SNX31: variants seen among roughly 807,000 people sequenced by gnomAD.
The protein encoded by SNX31 is sorting nexin-31.
A neutral mutation model predicts 65.4 loss-of-function variants in SNX31; 58 were observed. That is an observed-to-expected ratio of 0.89 (90% CI 0.72 to 1.10). SNX31 has a LOEUF of 1.10. Among genes scored for constraint, SNX31 ranks in the 50% least tolerant of loss-of-function variants. The probability of loss-of-function intolerance (pLI) is 0.00; values close to 1 mark genes in which losing one functional copy is unlikely to be tolerated. For synonymous variants in SNX31, 181 were observed against 190.1 expected (o/e 0.95, Z 0.39); for missense variants, 523 against 529.7 (o/e 0.99, Z 0.12).
rs111278317 is a variant in SNX31 at position 100,631,499 on chromosome 8, G to T, written c.257-1108C>A. 3.4e-5 allele frequency among the ~76,000 whole-genome samples: 5 copies of T among 148,246 alleles called. No homozygotes were observed. In the Admixed American group the frequency reaches 3.4e-4, roughly 10 times the overall value. On this transcript the variant is annotated intron_variant, in intron 3 of 13. Transcript: ENST00000311812. Reference sequence around the variant, plus strand: ...GTCACCCAGGCTGGGGTGCAATGGCGTGATTTCACCTCACTGCAACCTCCA... The same window carrying T: ...GTCACCCAGGCTGGGGTGCAATGGCTTGATTTCACCTCACTGCAACCTCCA...
At chr8:100,645,504 T>G (rs1819559017) in intron 2 of SNX31, among the ~76,000 whole-genome samples, 1 of 151,168 alleles carries the variant, frequency 6.6e-6, no homozygotes, top group African/African-American at 2.4e-5. Flanking sequence ...TGGGGCATAC[T>G]TATACTAAAA....
upstream of SNX31, among the ~76,000 whole-genome samples, chr8:100,650,725 G>A (rs145007014): frequency 3.9e-4 from 59 of 152,276 alleles, no homozygotes; most frequent in African/African-American, 1.3e-3. Flanking sequence ...ATTGAGGCTA[G>A]GGCCATTAAG....
chr8:100,590,767 G>A (rs1264133439), intron 10 of SNX31, among the ~76,000 whole-genome samples: 1 of 151,888 alleles, frequency 6.6e-6, no homozygotes, highest in Non-Finnish European at 1.5e-5. Flanking sequence ...GGACAACAGA[G>A]TAAGACTCCA....
rs1220128267 is a variant in SNX31, at chr8:100,608,547, G to C, written c.628C>G (p.Leu210Val). The C allele has an allele frequency of 6.2e-7, 1 of 1,613,858 alleles. No individual in the cohort carries two copies. The highest frequency in any genetic ancestry group is 8.5e-7 in the Non-Finnish European group (1 of 1,179,924). ...GLRKWYMAPS[L>V]DSVLMDCRVA... is the part of the protein sequence containing the mutation. Reference sequence around the variant, plus strand: ...CTGCAGTCCATCAGCACGGAGTCGAGGGATGGAGCCATATACCTGCAAAAT... The same window carrying C: ...CTGCAGTCCATCAGCACGGAGTCGACGGATGGAGCCATATACCTGCAAAAT... The change falls in exon 8 of 14, where the codon CTC becomes GTC. Residue 210 changes from leucine (L) to valine (V), a missense_variant. Physicochemically the swap from Leu to Val is conservative, Grantham distance 32. Transcript: ENST00000311812.
chr8:100,651,929 G>A (rs1453226185), upstream of SNX31, among the ~76,000 whole-genome samples: 1 of 152,172 alleles, frequency 6.6e-6, no homozygotes, highest in Admixed American at 6.5e-5. Context: ...TTTCAGGGGT[G>A]CCTGGGGAAA....
chr8:100,608,440 A>C (rs1479652286), intron 8 of SNX31, 54 bp downstream of exon 8: 4 of 1,571,492 alleles, frequency 2.5e-6, no homozygotes. Flanking sequence ...TAGTGGCTCC[A>C]AGCCAACATG....
In SNX31 at chr8:100,649,656, G is replaced by A. The variant is rs1025856163; in HGVS notation, c.-142C>T. ...ACCCCGGCGCCCGCTCTCGCCGGCCGGGGACATCTACAGGTGGGGCCGGGG... is the reference window on the plus strand; with the variant it reads ...ACCCCGGCGCCCGCTCTCGCCGGCCAGGGACATCTACAGGTGGGGCCGGGG... On this transcript the variant is annotated 5_prime_UTR_variant, in exon 1 of 14. Coordinates refer to ENST00000311812, the MANE Select transcript of SNX31 (RefSeq NM_152628.4). The A allele has an allele frequency of 5.4e-6, 4 of 746,784 alleles. No homozygotes were observed. In the African/African-American group the frequency reaches 5.7e-5, roughly 11 times the overall value. The allele number at this position is 746,784 out of a possible 1,614,324, so 46.3% of individuals were successfully genotyped here. A position where few individuals can be genotyped will look rare whatever the true frequency, so the allele number is the denominator to read the frequency against.
chr8:100,608,362 T>C, intron 8 of SNX31, 132 bp downstream of exon 8: 1 of 775,652 alleles, frequency 1.3e-6, no homozygotes. Flanking sequence ...TCTGTTCTAC[T>C]TTCTGTCTCT....
At chr8:100,611,826 G>A (rs1816737613) in intron 7 of SNX31, among the ~76,000 whole-genome samples, 174 bp downstream of exon 7, 1 of 152,178 alleles carries the variant, frequency 6.6e-6, no homozygotes, top group South Asian at 2.1e-4. Context: ...AAGGTACTGG[G>A]ATTATAGGCA....
At chr8:100,658,879 C>A (rs148624015) in intron 1 of SNX31, among the ~76,000 whole-genome samples, 140 of 152,268 alleles carry the variant, frequency 9.2e-4, no homozygotes, top group Non-Finnish European at 1.4e-3. Flanking sequence ...CCTGGTGGGA[C>A]CTACTCTGTG....
intron 8 of SNX31, among the ~76,000 whole-genome samples, chr8:100,601,536 T>C (rs755304423): frequency 7.2e-5 from 11 of 152,228 alleles, no homozygotes; most frequent in Non-Finnish European, 1.6e-4. Context: ...AGTTTATATA[T>C]CTGGTTGATT....
At chr8:100,632,366 G>T (rs1818470326) in intron 3 of SNX31, among the ~76,000 whole-genome samples, 1 of 152,042 alleles carries the variant, frequency 6.6e-6, no homozygotes, top group Non-Finnish European at 1.5e-5. Flanking sequence ...CTTTGAAAGA[G>T]CTCATTCAGC....
In SNX31 at chr8:100,573,151, T is replaced by G. The variant is rs562063197; in HGVS notation, c.*714A>C. ...TATCAGGTGCAGAGCCTTATTGCTTTCCAAATTAAAACATTCCAAATAGCA... is the reference window on the plus strand; with the variant it reads ...TATCAGGTGCAGAGCCTTATTGCTTGCCAAATTAAAACATTCCAAATAGCA... On this transcript the variant is annotated 3_prime_UTR_variant, in exon 14 of 14. Transcript: ENST00000311812. 1 of 152,654 alleles carries G rather than the reference T, an allele frequency of 6.6e-6. No homozygotes were observed. The highest frequency in any genetic ancestry group is 2.1e-4 in the South Asian group (1 of 4,824). The allele number at this position is 152,654 out of a possible 1,614,324, so 9.5% of individuals were successfully genotyped here.
In SNX31 at chr8:100,646,480, G is replaced by A. The variant is rs1183048678; in HGVS notation, c.141+2794C>T. Among the ~76,000 whole-genome samples the A allele has an allele frequency of 2.0e-5, 3 of 152,332 alleles. No individual in the cohort carries two copies. In the East Asian group the frequency reaches 5.8e-4, roughly 29 times the overall value. On this transcript the variant is annotated intron_variant, in intron 2 of 13. Coordinates refer to ENST00000311812, the MANE Select transcript of SNX31 (RefSeq NM_152628.4). ...GTGATTCTTTCCTAAATCTGAACAAGAGAGGACTTCAGAGAAAGCCTGGCT... is the reference window on the plus strand; with the variant it reads ...GTGATTCTTTCCTAAATCTGAACAAAAGAGGACTTCAGAGAAAGCCTGGCT...
At chr8:100,628,132 A>G (rs1269252843) in intron 4 of SNX31, among the ~76,000 whole-genome samples, 2 of 152,222 alleles carry the variant, frequency 1.3e-5, no homozygotes, top group African/African-American at 4.8e-5. Flanking sequence ...ACACTTTTAC[A>G]CTGTTGGTGG....
At chr8:100,585,327 T>C (rs546819360) in intron 11 of SNX31, among the ~76,000 whole-genome samples, 77 of 152,270 alleles carry the variant, frequency 5.1e-4, no homozygotes, top group African/African-American at 1.7e-3. Flanking sequence ...CCAATCAAAG[T>C]TGAGGCTAGA....
intron 4 of SNX31, among the ~76,000 whole-genome samples, chr8:100,628,627 T>G (rs1390771903): frequency 1.3e-5 from 2 of 152,034 alleles, no homozygotes; most frequent in Admixed American, 6.6e-5. Context: ...CATTAGGATA[T>G]ATACCTAATG....
At position 100,596,666 on chromosome 8, in the gene SNX31, C is replaced by T. The variant is rs1409561922; in HGVS notation, c.951G>A (p.Arg317=). ...QTQDIVFQMS[R]VKCWQVTFLG... is the part of the protein sequence containing the mutation. ...GGAAAGTGACCTGCCAGCACTTCACCCTGCTCATCTGGAAAACGATGTCCT... is the reference window on the plus strand; with the variant it reads ...GGAAAGTGACCTGCCAGCACTTCACTCTGCTCATCTGGAAAACGATGTCCT... The change falls in exon 10 of 14, where the codon AGG becomes AGA. Residue 317 remains arginine (R), a synonymous_variant. Coordinates refer to ENST00000311812, the MANE Select transcript of SNX31 (RefSeq NM_152628.4). 8.7e-6 allele frequency: 14 copies of T among 1,614,020 alleles called. No homozygotes were observed. Among genetic ancestry groups the T allele is most frequent in the Non-Finnish European group, 1.1e-5 (13 of 1,180,026 alleles).
At chr8:100,599,875 G>T (rs1436823053) in intron 9 of SNX31, among the ~76,000 whole-genome samples, 1 of 152,222 alleles carries the variant, frequency 6.6e-6, no homozygotes, top group Non-Finnish European at 1.5e-5. Flanking sequence ...CAAAGAGGAT[G>T]CTGGTTGAAA....
Sources: allele counts gnomAD v4.1 joint callset (sites outside exome capture counted in the v4.1 genomes callset), GRCh38; gene constraint gnomAD v4.1.1; transcripts MANE v1.5; gene names NCBI Gene and HGNC (gene_info 2026-07-23, HGNC 2026-07-21).